Variants in CEP295 observed in about 807,000 individuals in gnomAD.
CEP295 encodes the protein centrosomal protein 295.
In CEP295, 190 loss-of-function variants were observed where a neutral mutation model predicts 291.6. The ratio of observed to expected loss-of-function variants is 0.65; its 90% confidence interval spans 0.58 to 0.73. The LOEUF (loss-of-function observed/expected upper bound fraction) is 0.73. Among genes scored for constraint, CEP295 ranks in the 30% least tolerant of loss-of-function variants. The pLI, the probability that CEP295 is intolerant of heterozygous loss-of-function variation, is 0.00. For synonymous variants in CEP295, 993 were observed against 1,038.8 expected (o/e 0.96, Z 0.85); for missense variants, 2,863 against 2,949.4 (o/e 0.97, Z 0.68).
intron 25 of CEP295, 198 bp downstream of exon 25, chr11:93,729,019 CAA>C: frequency 3.7e-6 from 2 of 537,666 alleles, no homozygotes; most frequent in Non-Finnish European, 6.5e-6. Flanking sequence ...ATCCCCACTC[CAA>C]TTTATGCCTG....
At position 93,698,674 on chromosome 11, in the gene CEP295, A is replaced by G. The variant is rs1427723040; in HGVS notation, c.3762A>G (p.Gln1254=). ...TTTCACAACATATGCTACCTCTACA[A>G]GATAATTTGGAGGAACACCAAGCAT... ...LRVSQHMLPL[Q]DNLEEHQAWL... The change falls in exon 15 of 30, where the codon CAA becomes CAG. Residue 1254 remains glutamine, a synonymous_variant. Transcript: ENST00000325212. 7.7e-6 allele frequency: 12 copies of G among 1,550,778 alleles called. No homozygotes were observed. Among genetic ancestry groups the G allele is most frequent in the African/African-American group, 2.7e-5 (2 of 73,060 alleles).
intron 7 of CEP295, 138 bp downstream of exon 7, chr11:93,679,690 T>G (rs570564862): frequency 1.6e-6 from 1 of 642,280 alleles, no homozygotes; most frequent in East Asian, 3.3e-5. Context: ...ATTTCAAGTT[T>G]CCCAACTTTC....
At chr11:93,718,838 C>T (rs1342435454) in intron 18 of CEP295, among the ~76,000 whole-genome samples, 1 of 152,230 alleles carries the variant, frequency 6.6e-6, no homozygotes, top group East Asian at 1.9e-4. Context: ...CAGCCAGGCA[C>T]GGTGGCTCAC....
At chr11:93,674,439 G>C (rs765873285) in intron 5 of CEP295, among the ~76,000 whole-genome samples, 4 of 152,154 alleles carry the variant, frequency 2.6e-5, no homozygotes, top group Admixed American at 6.5e-5. Flanking sequence ...GGTGGTACAT[G>C]CTTGTAGTCC....
chr11:93,683,774 G>T (rs769662818), intron 8 of CEP295, 32 bp downstream of exon 8: 273 of 1,506,202 alleles, frequency 1.8e-4, no homozygotes, highest in Non-Finnish European at 2.3e-4. Flanking sequence ...TTTCAATAGT[G>T]ATTTTATACG....
rs756621751 is a variant in CEP295, at chr11:93,679,565, T to G, written c.765+13T>G. 95 of 1,549,580 alleles carry G rather than the reference T, an allele frequency of 6.1e-5. No homozygotes were observed. Among genetic ancestry groups the G allele is most frequent in the Non-Finnish European group, 3.5e-6 (4 of 1,145,864 alleles). Reference sequence around the variant, plus strand: ...CCATTTGGCTCAAGTAAGACTTATATTCTACCCATGACCATTACTCATGGA... The same window carrying G: ...CCATTTGGCTCAAGTAAGACTTATAGTCTACCCATGACCATTACTCATGGA... On this transcript the variant is annotated intron_variant, in intron 7 of 29. Coordinates refer to ENST00000325212, the MANE Select transcript of CEP295 (RefSeq NM_033395.2).
chr11:93,676,038 C>A (rs984292993), intron 6 of CEP295, among the ~76,000 whole-genome samples: 1 of 151,934 alleles, frequency 6.6e-6, no homozygotes, highest in African/African-American at 2.4e-5. Flanking sequence ...TTCATTATAA[C>A]CTTTATTTAA....
intron 9 of CEP295, among the ~76,000 whole-genome samples, chr11:93,686,822 A>G (rs1041022304): frequency 3.3e-5 from 5 of 152,180 alleles, no homozygotes; most frequent in Non-Finnish European, 7.4e-5. Flanking sequence ...TCAGTAAGCT[A>G]TACACTTAGG....
Position 93,687,945 on chromosome 11 carries a change from A to G in CEP295, c.1336+80A>G, listed in dbSNP as rs1951326367. On this transcript the variant is annotated intron_variant, in intron 10 of 29. Coordinates refer to ENST00000325212, the MANE Select transcript of CEP295 (RefSeq NM_033395.2). ...TAGGTTCGTTTCTGAAAAATCAAAG[A>G]ATAGAGGTTAAAAGGAACAAAACAT... The G allele has an allele frequency of 9.2e-6, 9 of 977,676 alleles. No individual in the cohort carries two copies. In the South Asian group the frequency reaches 1.3e-4, roughly 14 times the overall value. The allele number at this position is 977,676 out of a possible 1,614,324, so 60.6% of individuals were successfully genotyped here.
chr11:93,725,202 G>A (rs1954053667), intron 22 of CEP295, among the ~76,000 whole-genome samples: 1 of 151,640 alleles, frequency 6.6e-6, no homozygotes, highest in African/African-American at 2.4e-5. Context: ...AGCCGAGATC[G>A]TGCCACTGCA....
At chr11:93,676,882 C>G (rs780077771) in intron 6 of CEP295, among the ~76,000 whole-genome samples, 7 of 151,884 alleles carry the variant, frequency 4.6e-5, no homozygotes, top group Non-Finnish European at 1.0e-4. Flanking sequence ...AAAATTAGAT[C>G]AGTAGTTATA....
intron 18 of CEP295, among the ~76,000 whole-genome samples, chr11:93,715,758 G>A (rs935392014): frequency 4.6e-5 from 7 of 152,094 alleles, no homozygotes; most frequent in Admixed American, 4.6e-4. Context: ...TCTAGCCCAG[G>A]ATGTGTCCAT....
Position 93,728,734 on chromosome 11 carries a change from C to T in CEP295, c.7215C>T (p.Ser2405=). Residue 2405 remains serine (S), a synonymous_variant, in exon 25 of 30, where the codon AGC becomes AGT. Coordinates refer to ENST00000325212, the MANE Select transcript of CEP295 (RefSeq NM_033395.2). ...AAGAACCAGAACTTACTTTAATAAG[C>T]ACCACTGATACCAGTATTGCTGAAA... ...IMEEPELTLI[S]TTDTSIAEMD... is the part of the protein sequence containing the mutation. 1.3e-6 allele frequency: 2 copies of T among 1,550,296 alleles called. No homozygotes were observed. Among genetic ancestry groups the T allele is most frequent in the South Asian group, 1.2e-5 (1 of 83,808 alleles).
At chr11:93,667,295 A>G (rs1388435629) in intron 2 of CEP295, among the ~76,000 whole-genome samples, 2 of 152,258 alleles carry the variant, frequency 1.3e-5, no homozygotes, top group Non-Finnish European at 2.9e-5. Context: ...ACTCTGGGCT[A>G]TAGATTTTGT....
chr11:93,726,987 T>C lies in CEP295; in HGVS notation c.6511T>C (p.Cys2171Arg). Residue 2171 changes from cysteine to arginine, a missense_variant, in exon 24 of 30, where the codon TGT becomes CGT. Physicochemically the swap from Cys to Arg is radical, Grantham distance 180. Around this residue, in one of 3 missense-constraint regions of CEP295, gnomAD observed 2,295 missense variants for 2,335.7 expected, o/e 0.98. Transcript: ENST00000325212. ...TENIIGGSEQ[C>R]FEQLQPEYSS... ...ATTTCTTAATGCAGGATCTGAACAA[T>C]GTTTTGAACAGCTTCAGCCAGAATA... 1.3e-6 allele frequency: 2 copies of C among 1,513,420 alleles called. No individual in the cohort carries two copies. The highest frequency in any genetic ancestry group is 1.8e-6 in the Non-Finnish European group (2 of 1,131,930). The allele number at this position is 1,513,420 out of a possible 1,614,324, so 93.7% of individuals were successfully genotyped here.
At chr11:93,702,208 C>G (rs1952209704) in intron 15 of CEP295, among the ~76,000 whole-genome samples, 1 of 152,164 alleles carries the variant, frequency 6.6e-6, no homozygotes, top group South Asian at 2.1e-4. Context: ...TCCTGCCCAC[C>G]TTGGCTTCCC....
At chr11:93,722,927 C>T (rs1591156004) in intron 20 of CEP295, 114 bp from the exon 21 acceptor site, 2 of 739,754 alleles carry the variant, frequency 2.7e-6, no homozygotes, top group African/African-American at 1.8e-5. Context: ...GCGAGATGGT[C>T]TCCATCTCTT....
chr11:93,729,400 A>AT (rs1565229487), intron 25 of CEP295, 34 bp from the exon 26 acceptor site: 2 of 1,441,624 alleles, frequency 1.4e-6, no homozygotes, highest in Non-Finnish European at 1.9e-6. Context: ...AAAGCGTTTA[A>AT]AAAGAGTAAA....
Position 93,702,892 on chromosome 11 carries a change from C to G in CEP295, c.5569C>G (p.Pro1857Ala). 6.4e-7 allele frequency: 1 copy of G among 1,550,904 alleles called. No individual in the cohort carries two copies. The highest frequency in any genetic ancestry group is 8.7e-7 in the Non-Finnish European group (1 of 1,146,696). Residue 1857 changes from proline to alanine, a missense_variant, in exon 17 of 30, where the codon CCA becomes GCA. Pro to Ala is a conservative substitution (Grantham distance 27, BLOSUM62 -1). Transcript: ENST00000325212. ...ELSAIQEVES[P>A]AIGRTSILGK... ...TAGTGCTATACAAGAAGTAGAGTCA[C>G]CAGCAATTGGCAGAACTTCTATACT... is the stretch of plus-strand genomic sequence containing the variant.
Sources: allele counts gnomAD v4.1 joint callset (sites outside exome capture counted in the v4.1 genomes callset), GRCh38; gene constraint gnomAD v4.1.1; regional missense constraint gnomAD v4.1.1; transcripts MANE v1.5; gene names NCBI Gene and HGNC (gene_info 2026-07-23, HGNC 2026-07-21).